The following PPP2R1B variants were observed in gnomAD, a reference collection of about 807,000 sequenced individuals.
PPP2R1B encodes the protein serine/threonine-protein phosphatase 2A 65 kDa regulatory subunit A beta isoform.
A neutral mutation model predicts 72.7 loss-of-function variants in PPP2R1B; 58 were observed. The observed-to-expected ratio is 0.80, with a 90% confidence interval of 0.65 to 0.99. PPP2R1B has a LOEUF of 0.99. PPP2R1B is among the 50% of genes least tolerant of loss of function. PPP2R1B has a pLI of 0.00. For synonymous variants in PPP2R1B, 256 were observed against 264.6 expected (o/e 0.97, Z 0.32); for missense variants, 695 against 733.6 (o/e 0.95, Z 0.61).
Position 111,755,363 on chromosome 11 carries a change from T to C in PPP2R1B, c.775A>G (p.Thr259Ala). 6.2e-7 allele frequency: 1 copy of C among 1,613,856 alleles called. No individual in the cohort carries two copies. Among genetic ancestry groups the C allele is most frequent in the Non-Finnish European group, 8.5e-7 (1 of 1,179,976 alleles). The change falls in exon 6 of 15, where the codon ACA becomes GCA. Residue 259 changes from threonine to alanine, a missense_variant. By Grantham distance (58) the Thr-to-Ala change is moderately conservative. Transcript: ENST00000527614. Reference protein sequence around the residue: ...QDDLETLVMPTLRQAAEDKSW... With the variant: ...QDDLETLVMPALRQAAEDKSW... Reference sequence around the variant, plus strand: ...TTATCTTCTGCTGCTTGTCGAAGTGTAGGCATCACCAAAGTCTCAAGGTCA... The same window carrying C: ...TTATCTTCTGCTGCTTGTCGAAGTGCAGGCATCACCAAAGTCTCAAGGTCA...
chr11:111,708,145 G>A, the PPP2R1B span, among the ~76,000 whole-genome samples: 1 of 152,204 alleles, frequency 6.6e-6, no homozygotes, highest in Non-Finnish European at 1.5e-5. Context: ...GCTTTGGGAG[G>A]CCAAGGCAGG....
chr11:111,719,677 A>T, the PPP2R1B span: 1 of 1,192,240 alleles, frequency 8.4e-7, no homozygotes. Context: ...TATTTTACTT[A>T]ATTTCTAGTT....
chr11:111,752,174 C>G lies in PPP2R1B; in HGVS notation c.1323G>C (p.Leu441=). ...VRLAIIEYMP[L]LAGQLGVEFF... The stretch of plus-strand genomic sequence containing the variant: ...ACATACTCACCAGCTGGCCTGCCAG[C>G]AGCGGCATATACTCAATGATGGCCA... Residue 441 remains leucine (L), a synonymous_variant, in exon 10 of 15, where the codon CTG becomes CTC. Coordinates refer to ENST00000527614, the MANE Select transcript of PPP2R1B (RefSeq NM_002716.5). 6.2e-7 allele frequency: 1 copy of G among 1,609,516 alleles called. No individual in the cohort carries two copies.
the PPP2R1B span, chr11:111,688,129 C>T: frequency 6.2e-7 from 1 of 1,614,108 alleles, no homozygotes; most frequent in Non-Finnish European, 8.5e-7. This position sits in a 1 kb window ranked among gnomAD's most constrained non-coding sequence, Gnocchi z 4.2. Flanking sequence ...TGAAAATCTC[C>T]TGCTGGATAA....
At chr11:111,732,530 A>C (rs1944226545) in intron 15 of PPP2R1B, among the ~76,000 whole-genome samples, 1 of 152,134 alleles carries the variant, frequency 6.6e-6, no homozygotes, top group African/African-American at 2.4e-5. Flanking sequence ...ATCTCCACTA[A>C]AAATACAAAA....
chr11:111,741,882 T>C (rs2136043036), intron 14 of PPP2R1B, 171 bp downstream of exon 14: 2 of 756,770 alleles, frequency 2.6e-6, no homozygotes, highest in Non-Finnish European at 4.5e-6. Flanking sequence ...TATGAGAAAA[T>C]GGTGGGCCAA....
In PPP2R1B at chr11:111,739,519, G is replaced by A. The variant is rs777979629; in HGVS notation, c.*2077C>T. 2.9e-5 allele frequency: 29 copies of A among 985,316 alleles called. No individual in the cohort carries two copies. In the South Asian group the frequency reaches 5.6e-4, roughly 19 times the overall value. 61.0% of individuals were successfully genotyped at this position (985,316 alleles called of 1,614,324 possible). On this transcript the variant is annotated 3_prime_UTR_variant, in exon 15 of 15. Transcript: ENST00000527614. ...AAGACAGAGGCCCCGCTGAACCCCCGACCCATGCTTGAGAAAGCCAGGGCC... is the reference window on the plus strand; with the variant it reads ...AAGACAGAGGCCCCGCTGAACCCCCAACCCATGCTTGAGAAAGCCAGGGCC...
the PPP2R1B span, chr11:111,705,141 T>C: frequency 6.4e-7 from 1 of 1,562,402 alleles, no homozygotes; most frequent in Non-Finnish European, 8.6e-7. The surrounding 1 kb of genome is among the most constrained non-coding windows in gnomAD (Gnocchi z 4.3). Context: ...GTTGCCAAGG[T>C]AATGCCCCCT....
downstream of PPP2R1B, chr11:111,724,052 G>C (rs758792474): frequency 6.2e-7 from 1 of 1,614,114 alleles, no homozygotes; most frequent in South Asian, 1.1e-5. Flanking sequence ...AGCCCTCTCT[G>C]AGCTACCTGG....
intron 11 of PPP2R1B, among the ~76,000 whole-genome samples, chr11:111,744,923 C>A (rs1308914881): frequency 6.6e-6 from 1 of 152,124 alleles, no homozygotes; most frequent in Non-Finnish European, 1.5e-5. Context: ...AAACTCAAGT[C>A]AACTGTTTTA....
chr11:111,692,384 A>AAAAAAAAAAAAAC, the PPP2R1B span, among the ~76,000 whole-genome samples: 2 of 129,544 alleles, frequency 1.5e-5, no homozygotes, highest in South Asian at 5.2e-4. Context: ...AAAAAAAAAA[A>AAAAAAAAAAAAAC]AAAACACAAA....
At chr11:111,753,241 G>T (rs2136081175) in intron 9 of PPP2R1B, among the ~76,000 whole-genome samples, 1 of 152,254 alleles carries the variant, frequency 6.6e-6, no homozygotes, top group African/African-American at 2.4e-5. Context: ...ATATTTCTAG[G>T]TTTACTCTAA....
intron 5 of PPP2R1B, among the ~76,000 whole-genome samples, chr11:111,759,404 CAG>C (rs1476786486): frequency 1.3e-5 from 2 of 152,154 alleles, no homozygotes; most frequent in South Asian, 2.1e-4. Flanking sequence ...ATAGAAGAAG[CAG>C]AGAGTCAAAT....
Position 111,753,512 on chromosome 11 carries a change from A to G in PPP2R1B, c.1095T>C (p.Ser365=). The G allele has an allele frequency of 6.2e-7, 1 of 1,613,102 alleles. No homozygotes were observed. The change falls in exon 9 of 15, where the codon TCT becomes TCC. Residue 365 remains serine (S), a synonymous_variant. Transcript: ENST00000527614. The part of the protein sequence containing the change: ...SALASVIMGL[S]TILGKENTIE... ...TGGTATTTTCTTTGCCCAAAATAGT[A>G]GACAATCCCATAATTACAGAAGCTA...
chr11:111,720,362 T>G, the PPP2R1B span: 3 of 1,114,156 alleles, frequency 2.7e-6, no homozygotes, highest in Non-Finnish European at 3.8e-6. Context: ...AAAGATGTTT[T>G]GATTGGAAAT....
chr11:111,730,090 G>C (rs1172827611), intron 15 of PPP2R1B: 1 of 152,208 alleles, frequency 6.6e-6, no homozygotes, highest in Admixed American at 6.5e-5. Flanking sequence ...CCATCAACTA[G>C]AAGTGCTTAT....
Position 111,766,335 on chromosome 11 carries a change from G to C in PPP2R1B, c.27C>G (p.Thr9=). The change falls in exon 1 of 15, where the codon ACC becomes ACG. Residue 9 remains threonine (T), a synonymous_variant. Transcript: ENST00000527614. ...CATCTCCACCCGCTGCTCCTGGGCCGGTCCCGAGCTCTGATGCGCCCGCCA... is the reference window on the plus strand; with the variant it reads ...CATCTCCACCCGCTGCTCCTGGGCCCGTCCCGAGCTCTGATGCGCCCGCCA... MAGASELG[T]GPGAAGGDGD... is the part of the protein sequence containing the mutation. The C allele has an allele frequency of 1.3e-6, 2 of 1,518,032 alleles. No homozygotes were observed. Among genetic ancestry groups the C allele is most frequent in the Non-Finnish European group, 1.8e-6 (2 of 1,136,722 alleles). 94.0% of individuals were successfully genotyped at this position (1,518,032 alleles called of 1,614,324 possible).
At chr11:111,756,292 G>A (rs1390140480) in intron 5 of PPP2R1B, among the ~76,000 whole-genome samples, 2 of 150,800 alleles carry the variant, frequency 1.3e-5, no homozygotes, top group Admixed American at 6.6e-5. Flanking sequence ...AGATAGAAAT[G>A]ACTTTGTACT....
intron 10 of PPP2R1B, among the ~76,000 whole-genome samples, chr11:111,751,716 G>A (rs1419302286): frequency 3.3e-5 from 5 of 152,280 alleles, no homozygotes; most frequent in African/African-American, 4.8e-5. Flanking sequence ...AGTGGCTCAC[G>A]CCTGGAATCC....
Sources: gnomAD v4.1 joint callset for allele counts (sites outside exome capture counted in the v4.1 genomes callset) on GRCh38, gnomAD v4.1.1 for gene constraint, Gnocchi (gnomAD v3.1) non-coding constraint, MANE v1.5 for transcripts, NCBI Gene and HGNC (gene_info 2026-07-23, HGNC 2026-07-21) for gene names.